RAPGEF5: variants seen among roughly 807,000 people sequenced by gnomAD.
The protein encoded by RAPGEF5 is M-Ras-regulated GEF.
In RAPGEF5, 65 loss-of-function variants were observed where a neutral mutation model predicts 125.2. The observed-to-expected ratio is 0.52, with a 90% confidence interval of 0.43 to 0.64. The LOEUF (loss-of-function observed/expected upper bound fraction) is 0.64, where lower values mean the gene tolerates loss of function less well. RAPGEF5 is among the 30% of genes least tolerant of loss of function. The pLI, the probability that RAPGEF5 is intolerant of heterozygous loss-of-function variation, is 0.00. For missense variants in RAPGEF5, 958 were observed against 1,048.1 expected (o/e 0.91, Z 1.19); for synonymous variants, 391 against 385.9 (o/e 1.01, Z -0.16).
intron 23 of RAPGEF5, among the ~76,000 whole-genome samples, chr7:22,133,433 C>T (rs1354848139): frequency 1.3e-5 from 2 of 152,154 alleles, no homozygotes; most frequent in Non-Finnish European, 2.9e-5. Context: ...GGACAAGAAG[C>T]AGTTTTGGGG....
At chr7:22,277,694 G>T (rs772530159) in intron 6 of RAPGEF5, among the ~76,000 whole-genome samples, 5 of 152,080 alleles carry the variant, frequency 3.3e-5, no homozygotes, top group Admixed American at 6.5e-5. Flanking sequence ...TAGCTCCTAG[G>T]GCCCTCTTTC....
At chr7:22,321,318 G>A (rs937047935) in intron 1 of RAPGEF5, among the ~76,000 whole-genome samples, 20 of 152,246 alleles carry the variant, frequency 1.3e-4, no homozygotes, top group African/African-American at 4.8e-4. Context: ...TTTAAGTCAG[G>A]TATATATTAA....
chr7:22,212,285 T>C (rs9639425), intron 9 of RAPGEF5, among the ~76,000 whole-genome samples: 82,120 of 152,012 alleles, frequency 0.54, 22,254 homozygotes, highest in East Asian at 0.61. Flanking sequence ...ACATGTGTTC[T>C]TTCCTCTGCC....
chr7:22,356,159 G>C, intron 1 of RAPGEF5: 2 of 985,312 alleles, frequency 2.0e-6, no homozygotes, highest in South Asian at 9.4e-5. Flanking sequence ...GATGCACTTA[G>C]AACTCAATGA....
At chr7:22,186,086 A>G (rs1353818555) in intron 11 of RAPGEF5, among the ~76,000 whole-genome samples, 1 of 152,128 alleles carries the variant, frequency 6.6e-6, no homozygotes, top group African/African-American at 2.4e-5. Context: ...TTGGCCTCCC[A>G]AAGTGCTTAA....
chr7:22,322,423 C>A (rs80001593), intron 1 of RAPGEF5, among the ~76,000 whole-genome samples: 6,494 of 151,944 alleles, frequency 0.043, 168 homozygotes, highest in East Asian at 0.087. Context: ...CTGGGATTAC[C>A]GGTGTGAGCT....
chr7:22,271,252 T>C (rs1233513327), intron 6 of RAPGEF5, among the ~76,000 whole-genome samples: 1 of 152,218 alleles, frequency 6.6e-6, no homozygotes, highest in Non-Finnish European at 1.5e-5. Context: ...TCAGTGTGCA[T>C]TGTTGTTTCC....
intron 9 of RAPGEF5, among the ~76,000 whole-genome samples, chr7:22,210,644 C>T (rs1341501412): frequency 6.6e-6 from 1 of 152,162 alleles, no homozygotes; most frequent in African/African-American, 2.4e-5. Flanking sequence ...TAATCCTTTA[C>T]TCTGACTCAC....
chr7:22,154,721 T>G, intron 16 of RAPGEF5, 117 bp from the exon 17 acceptor site: 2 of 1,118,838 alleles, frequency 1.8e-6, no homozygotes, highest in Non-Finnish European at 2.5e-6. Flanking sequence ...GCTATTCTCT[T>G]CAGTATAACA....
rs778070066 is a variant in RAPGEF5 at position 22,156,871 on chromosome 7, G to A, written c.1575C>T (p.His525=). Residue 525 remains histidine, a synonymous_variant, in exon 16 of 26, where the codon CAC becomes CAT. Transcript: ENST00000665637. The stretch of plus-strand genomic sequence containing the variant: ...GCCAGTTCTCCTTAAGACTGAATTG[G>A]TGGAAAAGGGCTTTATTCTGTGAGA... ...SPQKKNKALF[H]QFSLKENWLQ... The A allele has an allele frequency of 7.4e-6, 12 of 1,613,920 alleles. No individual in the cohort carries two copies. Among genetic ancestry groups the A allele is most frequent in the South Asian group, 1.1e-5 (1 of 91,076 alleles).
chr7:22,188,764 C>CAAAA (rs1180031530), intron 11 of RAPGEF5, among the ~76,000 whole-genome samples: 16 of 51,910 alleles, frequency 3.1e-4, no homozygotes, highest in African/African-American at 9.3e-4. Flanking sequence ...GACTCCGTCT[C>CAAAA]AAAAAAAAAA....
chr7:22,128,129 G>A (rs903179697), intron 24 of RAPGEF5, among the ~76,000 whole-genome samples: 1 of 152,176 alleles, frequency 6.6e-6, no homozygotes, highest in African/African-American at 2.4e-5. Flanking sequence ...GGTAGTGGGT[G>A]TGGCATTGAA....
intron 5 of RAPGEF5, among the ~76,000 whole-genome samples, chr7:22,300,111 G>A (rs1443753443): frequency 1.3e-5 from 2 of 152,058 alleles, no homozygotes; most frequent in Admixed American, 6.6e-5. Flanking sequence ...ACATGTGTTA[G>A]ACTTTACTAC....
intron 8 of RAPGEF5, among the ~76,000 whole-genome samples, chr7:22,221,526 TC>T (rs1785788773): frequency 6.6e-6 from 1 of 152,174 alleles, no homozygotes; most frequent in African/African-American, 2.4e-5. Flanking sequence ...AAATTGTAGT[TC>T]CCATAATCCC....
chr7:22,220,061 T>G (rs1224129868), intron 8 of RAPGEF5, 70 bp from the exon 9 acceptor site: 3 of 1,544,548 alleles, frequency 1.9e-6, no homozygotes, highest in East Asian at 2.3e-5. Flanking sequence ...CACCGCAAAG[T>G]TCACCTTATA....
At chr7:22,213,935 A>C (rs566701134) in intron 9 of RAPGEF5, among the ~76,000 whole-genome samples, 1 of 152,352 alleles carries the variant, frequency 6.6e-6, no homozygotes, top group South Asian at 2.1e-4. Context: ...TATTTCATAT[A>C]GAGTAAAAAG....
At chr7:22,157,976 C>A in intron 14 of RAPGEF5, 91 bp from the exon 15 acceptor site, 7 of 1,235,362 alleles carry the variant, frequency 5.7e-6, no homozygotes, top group Non-Finnish European at 8.2e-6. Flanking sequence ...CAGCACTAGG[C>A]AGAGGATTTT....
chr7:22,137,129 C>G, intron 21 of RAPGEF5, 146 bp from the exon 22 acceptor site: 1 of 639,020 alleles, frequency 1.6e-6, no homozygotes, highest in Non-Finnish European at 2.7e-6. Context: ...CTGATTGCTT[C>G]TCATTATGCA....
chr7:22,254,960 C>T (rs543074679), intron 7 of RAPGEF5, among the ~76,000 whole-genome samples: 11 of 152,108 alleles, frequency 7.2e-5, no homozygotes, highest in South Asian at 2.1e-4. Flanking sequence ...CAATATGCCA[C>T]GGACAGGCAC....
Sources: allele counts gnomAD v4.1 joint callset (sites outside exome capture counted in the v4.1 genomes callset), GRCh38; gene constraint gnomAD v4.1.1; transcripts MANE v1.5; gene names NCBI Gene and HGNC (gene_info 2026-07-23, HGNC 2026-07-21).